The following IMMP2L variants were observed in gnomAD, a reference collection of about 807,000 sequenced individuals.
IMMP2L encodes inner mitochondrial membrane peptidase subunit 2.
IMMP2L carries 18 observed loss-of-function variants against 19.3 expected under a neutral mutation model. The ratio of observed to expected loss-of-function variants is 0.93; its 90% CI spans 0.64 to 1.38. IMMP2L has a LOEUF of 1.38. Among genes scored for constraint, IMMP2L ranks in the 40% most tolerant of loss-of-function variants. IMMP2L has a pLI of 0.00. For synonymous variants in IMMP2L, 76 were observed against 73.0 expected, an observed-to-expected ratio of 1.04 and a Z score of -0.21; for missense variants, 233 against 218.2, an observed-to-expected ratio of 1.07 and a Z score of -0.43.
intron 3 of IMMP2L, among the ~76,000 whole-genome samples, chr7:111,269,272 A>G (rs1818188492): frequency 1.3e-5 from 2 of 152,198 alleles, no homozygotes; most frequent in African/African-American, 2.4e-5. Flanking sequence ...TCATATTATT[A>G]TATTGTCTCA....
Position 110,728,339 on chromosome 7 carries a change from A to G in IMMP2L, c.409-64618T>C, listed in dbSNP as rs547199631. 6.6e-6 allele frequency among the ~76,000 whole-genome samples: 1 copy of G among 152,146 alleles called. No individual in the cohort carries two copies. The highest frequency in any genetic ancestry group is 1.9e-4 in the East Asian group (1 of 5,148). On this transcript the variant is annotated intron_variant, in intron 5 of 5. Coordinates refer to ENST00000405709, the MANE Select transcript of IMMP2L (RefSeq NM_032549.4). This position sits in a 1 kb window ranked among gnomAD's most constrained non-coding sequence, Gnocchi z 4.6. ...CATGGCAAAACCCTGTATCTATAAAATATATAAAAATTAGCTGGGCATAGT... is the reference window on the plus strand; with the variant it reads ...CATGGCAAAACCCTGTATCTATAAAGTATATAAAAATTAGCTGGGCATAGT...
At chr7:111,276,640 C>CAAAAAAAAAAAAAAAAAA (rs1562997852) in intron 3 of IMMP2L, among the ~76,000 whole-genome samples, 1 of 105,906 alleles carries the variant, frequency 9.4e-6, no homozygotes. Context: ...CATGTGGAAC[C>CAAAAAAAAAAAAAAAAAA]GAAAAAAAAA....
At chr7:110,786,627 A>G (rs1016225472) in intron 5 of IMMP2L, among the ~76,000 whole-genome samples, 15 of 152,022 alleles carry the variant, frequency 9.9e-5, no homozygotes, top group African/African-American at 3.6e-4. Context: ...ACAACACTTC[A>G]TTGTACTTCT....
At chr7:110,844,386 G>C (rs1048440613) in intron 5 of IMMP2L, among the ~76,000 whole-genome samples, 1 of 151,970 alleles carries the variant, frequency 6.6e-6, no homozygotes, top group Non-Finnish European at 1.5e-5. Flanking sequence ...GGACATAAGA[G>C]AGAAAATGTT....
chr7:111,232,163 AATT>A (rs975855042), intron 3 of IMMP2L, among the ~76,000 whole-genome samples: 1 of 152,054 alleles, frequency 6.6e-6, no homozygotes, highest in Non-Finnish European at 1.5e-5. Context: ...TCTTCAACAC[AATT>A]ATTGTTTTTA....
chr7:111,185,797 A>G (rs1432628608), intron 3 of IMMP2L, among the ~76,000 whole-genome samples: 1 of 152,190 alleles, frequency 6.6e-6, no homozygotes, highest in Non-Finnish European at 1.5e-5. Flanking sequence ...TAACATGAGA[A>G]GTATAAACAG....
chr7:110,776,253 CCATTAT>C (rs1799379292), intron 5 of IMMP2L, among the ~76,000 whole-genome samples: 2 of 152,000 alleles, frequency 1.3e-5, no homozygotes. Context: ...TCAAATATCA[CCATTAT>C]TTCTGTACAA....
intron 5 of IMMP2L, among the ~76,000 whole-genome samples, chr7:110,684,202 GGACT>G (rs1381501400): frequency 1.3e-5 from 2 of 152,158 alleles, no homozygotes; most frequent in African/African-American, 4.8e-5. Context: ...GGCTAACTAT[GGACT>G]GACTACTTGA....
At chr7:110,994,104 T>C in intron 3 of IMMP2L, among the ~76,000 whole-genome samples, 1 of 152,120 alleles carries the variant, frequency 6.6e-6, no homozygotes, top group East Asian at 1.9e-4. Context: ...GATCATTCAT[T>C]GATTCCTTAA....
chr7:111,486,081 A>G (rs1842632035), intron 3 of IMMP2L, among the ~76,000 whole-genome samples: 1 of 152,190 alleles, frequency 6.6e-6, no homozygotes, highest in Non-Finnish European at 1.5e-5. Context: ...GAATGACAAA[A>G]TAAAAGTACA....
chr7:111,343,296 C>T (rs1027970873), intron 3 of IMMP2L, among the ~76,000 whole-genome samples: 1 of 151,998 alleles, frequency 6.6e-6, no homozygotes, highest in Non-Finnish European at 1.5e-5. Flanking sequence ...TATAACATGC[C>T]CTGCTCACTT....
chr7:110,663,476 T>C lies in IMMP2L; in HGVS notation c.*126A>G. The C allele has an allele frequency of 2.7e-6, 2 of 749,386 alleles. No homozygotes were observed. Among genetic ancestry groups the C allele is most frequent in the South Asian group, 3.2e-5 (2 of 62,872 alleles). 46.4% of individuals were successfully genotyped at this position (749,386 alleles called of 1,614,324 possible). On this transcript the variant is annotated 3_prime_UTR_variant, in exon 6 of 6. Coordinates refer to ENST00000405709, the MANE Select transcript of IMMP2L (RefSeq NM_032549.4). ...TATTTAATAATACAGATCGTTTTAA[T>C]GTGCTGTAAATATTTCTCGCACAGC...
At chr7:111,536,570 G>T (rs970725539) in intron 1 of IMMP2L, among the ~76,000 whole-genome samples, 4 of 152,134 alleles carry the variant, frequency 2.6e-5, no homozygotes, top group Non-Finnish European at 5.9e-5. Flanking sequence ...GCCTCCGGAA[G>T]TGCTGGGATT....
rs751160322 is a variant in IMMP2L at position 110,760,940 on chromosome 7, G to C, written c.409-97219C>G. Among the ~76,000 whole-genome samples, 1 of 152,088 alleles carries C rather than the reference G, an allele frequency of 6.6e-6. No homozygotes were observed. The highest frequency in any genetic ancestry group is 1.5e-5 in the Non-Finnish European group (1 of 68,008). On this transcript the variant is annotated intron_variant, in intron 5 of 5. Transcript: ENST00000405709. This position sits in a 1 kb window ranked among gnomAD's most constrained non-coding sequence, Gnocchi z 4.2. Reference sequence around the variant, plus strand: ...ATGTATAAGTGACATAAGTGGGTTGGAGAATAGAGAAAGCAAACATTGCAA... The same window carrying C: ...ATGTATAAGTGACATAAGTGGGTTGCAGAATAGAGAAAGCAAACATTGCAA...
chr7:110,940,038 T>A (rs919304309), intron 4 of IMMP2L, among the ~76,000 whole-genome samples: 3 of 151,864 alleles, frequency 2.0e-5, no homozygotes, highest in Non-Finnish European at 4.4e-5. Flanking sequence ...ATTTAAAAAG[T>A]TAAAATAATG....
chr7:111,010,601 G>A (rs1227105784), intron 3 of IMMP2L, among the ~76,000 whole-genome samples: 1 of 152,074 alleles, frequency 6.6e-6, no homozygotes, highest in African/African-American at 2.4e-5. Flanking sequence ...TTACGAAATT[G>A]TTGCGCTACA....
rs79002520 is a variant in IMMP2L, at chr7:110,886,879, T to C, written c.306-184A>G. On this transcript the variant is annotated intron_variant, in intron 4 of 5. Transcript: ENST00000405709. ...GCAATTTGAATCTATTCATAGCATT[T>C]TTTCTTTTTATATTTCTATAGGTAA... Among the ~76,000 whole-genome samples the C allele has an allele frequency of 4.9e-3, 739 of 152,274 alleles. 8 individuals are homozygous for C. The highest frequency in any genetic ancestry group is 0.017 in the African/African-American group (703 of 41,570).
At chr7:110,879,965 C>T (rs1357098987) in intron 5 of IMMP2L, among the ~76,000 whole-genome samples, 1 of 152,034 alleles carries the variant, frequency 6.6e-6, no homozygotes, top group Non-Finnish European at 1.5e-5. Context: ...TCAGAAAAAT[C>T]ATTAGTGACA....
chr7:111,066,683 C>T (rs1794532623), intron 3 of IMMP2L, among the ~76,000 whole-genome samples: 1 of 152,172 alleles, frequency 6.6e-6, no homozygotes, highest in Non-Finnish European at 1.5e-5. Flanking sequence ...TAACCTTCCC[C>T]CAGATGGGAT....
Sources: allele counts gnomAD v4.1 joint callset (sites outside exome capture counted in the v4.1 genomes callset), GRCh38; gene constraint gnomAD v4.1.1; non-coding constraint Gnocchi (gnomAD v3.1); transcripts MANE v1.5; gene names NCBI Gene and HGNC (gene_info 2026-07-23, HGNC 2026-07-21).